The following CSMD1 variants were observed in gnomAD, a reference collection of about 807,000 sequenced individuals.
The protein encoded by CSMD1 is CUB and Sushi multiple domains 1.
In CSMD1, 213 loss-of-function variants were observed where a neutral mutation model predicts 417.5. The ratio of observed to expected loss-of-function variants is 0.51; its 90% CI spans 0.46 to 0.57. The LOEUF is 0.57. CSMD1 is among the 20% of genes least tolerant of loss of function. CSMD1 has a pLI of 0.00. For synonymous variants in CSMD1, 2,862 were observed against 1,736.8 expected (o/e 1.65, Z -16.11); for missense variants, 6,923 against 4,529.7 (o/e 1.53, Z -15.17).
intron 5 of CSMD1, among the ~76,000 whole-genome samples, chr8:3,924,101 C>T (rs1809472083): frequency 6.6e-6 from 1 of 152,150 alleles, no homozygotes; most frequent in Admixed American, 6.5e-5. Flanking sequence ...AATTTCTCAG[C>T]TCTTGTTGAT....
rs1326971689 is a variant in CSMD1, at chr8:3,914,394, A to ATC, written c.818+83508_818+83509insGA. ...ATGTAAAAACATACGGGTACAGATA[A>ATC]AGATGTTTGGTGCAAGAAAGGAGAG... On this transcript the variant is annotated intron_variant, in intron 5 of 69. Transcript: ENST00000635120. 8.0e-4 allele frequency among the ~76,000 whole-genome samples: 121 copies of ATC among 152,196 alleles called. 1 individual carries two copies. The highest frequency in any genetic ancestry group is 6.2e-4 in the South Asian group (3 of 4,818).
At chr8:4,197,703 G>T (rs1408863799) in intron 3 of CSMD1, among the ~76,000 whole-genome samples, 1 of 152,198 alleles carries the variant, frequency 6.6e-6, no homozygotes, top group East Asian at 1.9e-4. Context: ...ACATAGTGAA[G>T]CTCTGTCTCT....
chr8:3,995,446 G>A (rs569441584), intron 5 of CSMD1, among the ~76,000 whole-genome samples: 1 of 152,168 alleles, frequency 6.6e-6, no homozygotes, highest in Non-Finnish European at 1.5e-5. Flanking sequence ...ACAGTTACCT[G>A]TTCAAGGCTT....
Position 2,999,427 on chromosome 8 carries a change from T to A in CSMD1, c.8203+531A>T, listed in dbSNP as rs139163973. On this transcript the variant is annotated intron_variant, in intron 53 of 69. Coordinates refer to ENST00000635120, the MANE Select transcript of CSMD1 (RefSeq NM_033225.6). ...CCTCAGCCTCCCAAAGTGCTGGGAT[T>A]ACAGGCGTGAGCCACCACGCCTGGC... Among the ~76,000 whole-genome samples, 755 of 152,142 alleles carry A rather than the reference T, an allele frequency of 5.0e-3. 3 individuals carry two copies. Among genetic ancestry groups the A allele is most frequent in the African/African-American group, 0.017 (704 of 41,490 alleles).
chr8:4,685,745 C>T (rs915223686), intron 1 of CSMD1, among the ~76,000 whole-genome samples: 8 of 152,096 alleles, frequency 5.3e-5, no homozygotes, highest in East Asian at 1.9e-4. Context: ...TAAGAAATTA[C>T]GTTTCAAATC....
At chr8:4,090,844 G>A (rs7008527) in intron 3 of CSMD1, among the ~76,000 whole-genome samples, 22 of 151,824 alleles carry the variant, frequency 1.4e-4, no homozygotes, top group Non-Finnish European at 3.1e-4. Context: ...GAAATATTTG[G>A]CGAAGGGATG....
chr8:3,651,361 G>C (rs77662954), intron 7 of CSMD1, among the ~76,000 whole-genome samples: 3,070 of 152,104 alleles, frequency 0.02, 108 homozygotes, highest in African/African-American at 0.071. Context: ...CTTCACATAG[G>C]TCTTCTGTCT....
chr8:4,075,197 A>G (rs537251569), intron 3 of CSMD1, among the ~76,000 whole-genome samples: 14 of 152,330 alleles, frequency 9.2e-5, no homozygotes, highest in Admixed American at 3.9e-4. Context: ...CACATTTAAA[A>G]TGTAAATAAT....
chr8:3,145,238 G>A lies in CSMD1; in HGVS notation c.6032-2564C>T, dbSNP rs983238867. Reference sequence around the variant, plus strand: ...CCTGCTGAATTGCTGGCACTTCTACGTATGTCCAGAGTACCAGACAGAAGG... The same window carrying A: ...CCTGCTGAATTGCTGGCACTTCTACATATGTCCAGAGTACCAGACAGAAGG... On this transcript the variant is annotated intron_variant, in intron 40 of 69. Transcript: ENST00000635120. Among the ~76,000 whole-genome samples, 5 of 152,132 alleles carry A rather than the reference G, an allele frequency of 3.3e-5. No individual in the cohort carries two copies. In the East Asian group the frequency reaches 5.8e-4, roughly 18 times the overall value.
chr8:4,355,918 T>C (rs1801403859), intron 3 of CSMD1, among the ~76,000 whole-genome samples: 1 of 126,882 alleles, frequency 7.9e-6, no homozygotes, highest in South Asian at 2.8e-4. Flanking sequence ...TTGAATCAGC[T>C]GTTTTTTTGT....
chr8:3,991,571 C>G (rs576476732), intron 5 of CSMD1, among the ~76,000 whole-genome samples: 4 of 152,206 alleles, frequency 2.6e-5, no homozygotes, highest in East Asian at 1.9e-4. Flanking sequence ...GAAAGAAACA[C>G]GTAAGAGTAG....
intron 2 of CSMD1, among the ~76,000 whole-genome samples, chr8:4,452,691 C>G (rs573847391): frequency 1.3e-5 from 2 of 152,222 alleles, no homozygotes; most frequent in South Asian, 2.1e-4. Flanking sequence ...AAGTCTAAAT[C>G]CTGATACTCT....
rs1392324658 is a variant in CSMD1, at chr8:4,453,810, G to GTTTT, written c.303-33746_303-33745insAAAA. ...GTTCCCGAACAAGATTGCGCAATTCGTTTCTTTTTTTTTTTTTTTTTTTTT... is the reference window on the plus strand; with the variant it reads ...GTTCCCGAACAAGATTGCGCAATTCGTTTTTTTCTTTTTTTTTTTTTTTTTTTTT... On this transcript the variant is annotated intron_variant, in intron 2 of 69. Transcript: ENST00000635120. 1.2e-3 allele frequency among the ~76,000 whole-genome samples: 116 copies of GTTTT among 92,998 alleles called. 1 individual carries two copies. The highest frequency in any genetic ancestry group is 1.6e-3 in the African/African-American group (40 of 25,802). 61.0% of individuals were successfully genotyped at this position (92,998 alleles called of 152,430 possible). A position where few individuals can be genotyped will look rare whatever the true frequency, so the allele number is the denominator to read the frequency against.
rs73503565 is a variant in CSMD1 at position 3,936,247 on chromosome 8, G to T, written c.818+61656C>A. 3.9e-3 allele frequency among the ~76,000 whole-genome samples: 590 copies of T among 151,466 alleles called. 7 individuals are homozygous for T. Among genetic ancestry groups the T allele is most frequent in the African/African-American group, 0.014 (574 of 41,358 alleles). ...CAAGGTAAAGCAGCAAGTGATGATGGAAAGCTACAGCAAGTTATCCAGAAG... is the reference window on the plus strand; with the variant it reads ...CAAGGTAAAGCAGCAAGTGATGATGTAAAGCTACAGCAAGTTATCCAGAAG... On this transcript the variant is annotated intron_variant, in intron 5 of 69. Transcript: ENST00000635120.
Position 3,290,640 on chromosome 8 carries a change from G to C in CSMD1, c.3951-6294C>G, listed in dbSNP as rs77725635. Among the ~76,000 whole-genome samples the C allele has an allele frequency of 1.4e-5, 2 of 145,626 alleles. 1 individual carries two copies. The highest frequency in any genetic ancestry group is 1.4e-4 in the Admixed American group (2 of 14,680). On this transcript the variant is annotated intron_variant, in intron 25 of 69. Coordinates refer to ENST00000635120, the MANE Select transcript of CSMD1 (RefSeq NM_033225.6). Reference sequence around the variant, plus strand: ...GGCTCTCTGTTTGTCTGTTATTGGCGTATGAGAATAGTTGTGATTTTTGCA... The same window carrying C: ...GGCTCTCTGTTTGTCTGTTATTGGCCTATGAGAATAGTTGTGATTTTTGCA...
At chr8:3,972,699 G>A (rs74868790) in intron 5 of CSMD1, among the ~76,000 whole-genome samples, 1 of 152,184 alleles carries the variant, frequency 6.6e-6, no homozygotes, top group African/African-American at 2.4e-5. Context: ...ATTGCAAATA[G>A]CTTCTTTTCA....
intron 30 of CSMD1, among the ~76,000 whole-genome samples, chr8:3,209,053 T>G (rs145523346): frequency 6.6e-6 from 1 of 152,174 alleles, no homozygotes; most frequent in Non-Finnish European, 1.5e-5. Context: ...TGTGCAAGCA[T>G]AGAATAAAAG....
chr8:3,731,409 G>A (rs953582690), intron 6 of CSMD1, among the ~76,000 whole-genome samples: 2 of 152,154 alleles, frequency 1.3e-5, no homozygotes, highest in East Asian at 1.9e-4. Flanking sequence ...TGGTAAGAGT[G>A]TGGGATTCTT....
intron 3 of CSMD1, among the ~76,000 whole-genome samples, chr8:4,297,933 G>A (rs1428376610): frequency 1.3e-5 from 2 of 152,222 alleles, no homozygotes; most frequent in Middle Eastern, 3.4e-3. Flanking sequence ...ATTAGCAAAG[G>A]AAAATAAAAG....
Sources: gnomAD v4.1 joint callset for allele counts (sites outside exome capture counted in the v4.1 genomes callset) on GRCh38, gnomAD v4.1.1 for gene constraint, MANE v1.5 for transcripts, NCBI Gene and HGNC (gene_info 2026-07-23, HGNC 2026-07-21) for gene names.